The following ADAM11 variants were observed in gnomAD, a reference collection of about 807,000 sequenced individuals.
ADAM11 encodes the protein disintegrin and metalloproteinase domain-containing protein 11.
Under a neutral mutation model 119.1 loss-of-function variants are expected in ADAM11, and 49 were observed. The observed-to-expected ratio is 0.41, with a 90% CI of 0.33 to 0.52. The LOEUF is 0.52. ADAM11 is among the 20% of genes least tolerant of loss of function. The pLI, the probability that ADAM11 is intolerant of heterozygous loss-of-function variation, is 0.20. For missense variants in ADAM11, 777 were observed against 1,047.5 expected (o/e 0.74, Z 3.56); for synonymous variants, 364 against 408.0 (o/e 0.89, Z 1.30).
Position 44,773,364 on chromosome 17 carries a change from C to A in ADAM11, c.929C>A (p.Ala310Asp). 1 of 1,614,026 alleles carries A rather than the reference C, an allele frequency of 6.2e-7. No individual in the cohort carries two copies. The highest frequency in any genetic ancestry group is 8.5e-7 in the Non-Finnish European group (1 of 1,180,012). The part of the protein sequence containing the change: ...QVQDDLLETL[A>D]RLMVYRREGL... Reference sequence around the variant, plus strand: ...CAGGATGACCTCCTGGAGACCCTGGCCCGGCTCATGGTCTACCGACGGGAG... The same window carrying A: ...CAGGATGACCTCCTGGAGACCCTGGACCGGCTCATGGTCTACCGACGGGAG... The change falls in exon 11 of 27, where the codon GCC becomes GAC. Residue 310 changes from alanine to aspartate, a missense_variant. By Grantham distance (126) the Ala-to-Asp change is moderately radical. Around this residue, in one of 4 missense-constraint regions of ADAM11, gnomAD observed 147 missense variants for 223.3 expected, o/e 0.66. Transcript: ENST00000200557. This position sits in a 1 kb window ranked among gnomAD's most constrained non-coding sequence, Gnocchi z 4.6.
intron 2 of ADAM11, among the ~76,000 whole-genome samples, chr17:44,765,870 A>C (rs1173779903): frequency 6.6e-6 from 1 of 151,926 alleles, no homozygotes. Context: ...CAATCCGCCC[A>C]CCTTGGCCTC....
intron 2 of ADAM11, among the ~76,000 whole-genome samples, chr17:44,768,199 G>A (rs1008600849): frequency 1.4e-4 from 21 of 152,186 alleles, no homozygotes; most frequent in Admixed American, 6.5e-5. Flanking sequence ...AGGGGCAGGG[G>A]AAGGCCAGGA....
intron 2 of ADAM11, among the ~76,000 whole-genome samples, chr17:44,764,744 A>G (rs1412601716): frequency 6.6e-6 from 1 of 152,094 alleles, no homozygotes. Context: ...GGGGATGCTC[A>G]TAGTCTCCAC....
chr17:44,776,898 G>A lies in ADAM11; in HGVS notation c.1618-1G>A. The stretch of plus-strand genomic sequence containing the variant: ...TTGCCTCTTAATTCTTGGACTCTCA[G>A]GGCCGCTGCTACGGAGGTCGCTGCA... On this transcript the variant is annotated splice_acceptor_variant, in intron 19 of 26. Coordinates refer to ENST00000200557, the MANE Select transcript of ADAM11 (RefSeq NM_002390.6). LOFTEE classifies it high-confidence loss of function. The surrounding 1 kb of genome is among the most constrained non-coding windows in gnomAD (Gnocchi z 5.2). 6.2e-7 allele frequency: 1 copy of A among 1,613,660 alleles called. No individual in the cohort carries two copies. The highest frequency in any genetic ancestry group is 8.5e-7 in the Non-Finnish European group (1 of 1,179,592).
chr17:44,761,195 T>C (rs1250430884), intron 2 of ADAM11, among the ~76,000 whole-genome samples: 2 of 151,972 alleles, frequency 1.3e-5, no homozygotes, highest in African/African-American at 2.4e-5. Context: ...GTGGGGGAAC[T>C]GATGGTCTGC....
Position 44,779,246 on chromosome 17 carries a change from C to T in ADAM11, c.2294+7C>T, listed in dbSNP as rs1598896488. ...GAAACATTCGCCGAGGAAGGTACGACCCGACCCAGCAGGGGGCAGTGTGAT... is the reference window on the plus strand; with the variant it reads ...GAAACATTCGCCGAGGAAGGTACGATCCGACCCAGCAGGGGGCAGTGTGAT... On this transcript the variant is annotated splice_region_variant and intron_variant, in intron 26 of 26. Coordinates refer to ENST00000200557, the MANE Select transcript of ADAM11 (RefSeq NM_002390.6). 3 of 1,581,530 alleles carry T rather than the reference C, an allele frequency of 1.9e-6. No homozygotes were observed. Among genetic ancestry groups the T allele is most frequent in the Non-Finnish European group, 2.6e-6 (3 of 1,167,550 alleles).
chr17:44,759,779 G>C lies in ADAM11; in HGVS notation c.119G>C (p.Gly40Ala). The part of the protein sequence containing the change: ...ALRWGGLPQL[G>A]GPGAPEVTEP... Reference sequence around the variant, plus strand: ...CGATGGGGGGGCTTACCCCAGCTGGGAGGCCCAGGAGCCCCTGAGGTCACG... The same window carrying C: ...CGATGGGGGGGCTTACCCCAGCTGGCAGGCCCAGGAGCCCCTGAGGTCACG... Residue 40 changes from glycine (G) to alanine (A), a missense_variant, in exon 2 of 27, where the codon GGA (glycine) becomes GCA (alanine). Gly to Ala is a moderately conservative substitution (Grantham distance 60, BLOSUM62 0). Coordinates refer to ENST00000200557, the MANE Select transcript of ADAM11 (RefSeq NM_002390.6). 2.3e-6 allele frequency: 3 copies of C among 1,324,798 alleles called. No individual in the cohort carries two copies. Among genetic ancestry groups the C allele is most frequent in the Non-Finnish European group, 2.9e-6 (3 of 1,029,720 alleles). The allele number at this position is 1,324,798 out of a possible 1,614,324, so 82.1% of individuals were successfully genotyped here. A position where few individuals can be genotyped will look rare whatever the true frequency, so the allele number is the denominator to read the frequency against.
In ADAM11 at chr17:44,775,367, G is replaced by A; in HGVS notation, c.1321-27G>A. 1.2e-6 allele frequency: 2 copies of A among 1,612,988 alleles called. No individual in the cohort carries two copies. The highest frequency in any genetic ancestry group is 1.7e-6 in the Non-Finnish European group (2 of 1,179,750). On this transcript the variant is annotated intron_variant, in intron 15 of 26. Transcript: ENST00000200557. The surrounding 1 kb of genome is among the most constrained non-coding windows in gnomAD (Gnocchi z 7.5). ...CGGGCCCTGGGCGGGGTCCGGGCCA[G>A]ACTCCCGACCTGTCCTCCCGGTCCA...
Position 44,773,158 on chromosome 17 carries a change from G to A in ADAM11, c.825+73G>A. 3 of 1,583,352 alleles carry A rather than the reference G, an allele frequency of 1.9e-6. No individual in the cohort carries two copies. Among genetic ancestry groups the A allele is most frequent in the Non-Finnish European group, 1.7e-6 (2 of 1,155,892 alleles). Reference sequence around the variant, plus strand: ...CCCACCACACACATTAGGGGGCACTGTCAGCCCCTGGCTCCCACTTCCTGG... The same window carrying A: ...CCCACCACACACATTAGGGGGCACTATCAGCCCCTGGCTCCCACTTCCTGG... On this transcript the variant is annotated intron_variant, in intron 10 of 26. Coordinates refer to ENST00000200557, the MANE Select transcript of ADAM11 (RefSeq NM_002390.6). The surrounding 1 kb of genome is among the most constrained non-coding windows in gnomAD (Gnocchi z 4.6).
intron 2 of ADAM11, among the ~76,000 whole-genome samples, chr17:44,768,387 G>C (rs1444730642): frequency 6.6e-6 from 1 of 152,156 alleles, no homozygotes; most frequent in East Asian, 1.9e-4. Context: ...CTGGCCGTTG[G>C]TGCCCCCCTT....
chr17:44,766,785 A>T (rs1358485439), intron 2 of ADAM11, among the ~76,000 whole-genome samples: 1 of 152,152 alleles, frequency 6.6e-6, no homozygotes, highest in African/African-American at 2.4e-5. Flanking sequence ...GGGTCAGCTG[A>T]GGGCTGGCAT....
At position 44,779,888 on chromosome 17, in the gene ADAM11, A is replaced by T; in HGVS notation, c.*134A>T. The T allele has an allele frequency of 7.5e-7, 1 of 1,329,276 alleles. No homozygotes were observed. The highest frequency in any genetic ancestry group is 1.1e-6 in the Non-Finnish European group (1 of 948,266). The allele number at this position is 1,329,276 out of a possible 1,614,324, so 82.3% of individuals were successfully genotyped here. On this transcript the variant is annotated 3_prime_UTR_variant, in exon 27 of 27. Transcript: ENST00000200557. ...CAAACCCTTCAACTCCTGGCTCCGC[A>T]GGGGTTTGGGTGGGGGCTGTGGCCC...
rs372731262 is a variant in ADAM11 at position 44,772,445 on chromosome 17, G to A, written c.657G>A (p.Pro219=). 173 of 1,575,178 alleles carry A rather than the reference G, an allele frequency of 1.1e-4. 1 individual carries two copies. In the Middle Eastern group the frequency reaches 3.8e-3, roughly 35 times the overall value. ...VPAQSAPPNR[P]RLRRKRQVRR... is the part of the protein sequence containing the mutation. ...CCCAGTCGGCTCCTCCAAACCGGCC[G>A]AGGCTGAGAAGGAAAAGGCAGGTAC... is the stretch of plus-strand genomic sequence containing the variant. The change falls in exon 8 of 27, where the codon CCG becomes CCA. Residue 219 remains proline, a synonymous_variant. Coordinates refer to ENST00000200557, the MANE Select transcript of ADAM11 (RefSeq NM_002390.6). This position sits in a 1 kb window ranked among gnomAD's most constrained non-coding sequence, Gnocchi z 4.5.
rs562721351 is a variant in ADAM11 at position 44,779,984 on chromosome 17, C to T, written c.*230C>T. Reference sequence around the variant, plus strand: ...TCCACAGTCCCCCACCCACCTCCTGCGGCTCAGCCTTGCACACCCACTGCC... The same window carrying T: ...TCCACAGTCCCCCACCCACCTCCTGTGGCTCAGCCTTGCACACCCACTGCC... On this transcript the variant is annotated 3_prime_UTR_variant, in exon 27 of 27. Transcript: ENST00000200557. 11 of 716,642 alleles carry T rather than the reference C, an allele frequency of 1.5e-5. No individual in the cohort carries two copies. The highest frequency in any genetic ancestry group is 3.0e-5 in the South Asian group (2 of 67,110). 44.4% of individuals were successfully genotyped at this position (716,642 alleles called of 1,614,324 possible).
At chr17:44,774,901 C>A in intron 14 of ADAM11, 152 bp downstream of exon 14, 1 of 1,051,856 alleles carries the variant, frequency 9.5e-7, no homozygotes, top group Non-Finnish European at 1.4e-6. Context: ...AAACACTGCC[C>A]CGGGAGACCC....
chr17:44,774,005 C>T (rs1249479605), intron 11 of ADAM11, among the ~76,000 whole-genome samples: 2 of 152,076 alleles, frequency 1.3e-5, no homozygotes, highest in Non-Finnish European at 2.9e-5. Context: ...GCAGGAGAAT[C>T]GTTTGAACCC....
Position 44,777,993 on chromosome 17 carries a change from G to A in ADAM11, c.2112G>A (p.Trp704Ter). ...NEGKCICQPD[W>*]TGKDCSIHNP... ...GGAAGTGCATCTGTCAGCCAGACTG[G>A]ACAGGCAAAGACTGCAGTATCCATA... Residue 704 changes from tryptophan (W) to a stop codon, truncating the protein, a stop_gained, in exon 24 of 27, where the codon TGG becomes TGA. Coordinates refer to ENST00000200557, the MANE Select transcript of ADAM11 (RefSeq NM_002390.6). LOFTEE classifies it high-confidence loss of function. This position sits in a 1 kb window ranked among gnomAD's most constrained non-coding sequence, Gnocchi z 5.1. 6.2e-7 allele frequency: 1 copy of A among 1,614,024 alleles called. No homozygotes were observed. The highest frequency in any genetic ancestry group is 8.5e-7 in the Non-Finnish European group (1 of 1,179,984).
At chr17:44,779,168 C>T (rs1801900673) in intron 25 of ADAM11, 54 bp from the exon 26 acceptor site, 2 of 1,566,564 alleles carry the variant, frequency 1.3e-6, no homozygotes, top group Non-Finnish European at 1.7e-6. Flanking sequence ...CTGAGAGAAG[C>T]AAAAGGTCAG....
At chr17:44,761,517 G>A (rs1236100932) in intron 2 of ADAM11, among the ~76,000 whole-genome samples, 1 of 152,072 alleles carries the variant, frequency 6.6e-6, no homozygotes, top group Non-Finnish European at 1.5e-5. Flanking sequence ...GTGCATGTGA[G>A]GTGTGTATGT....
Sources: allele counts gnomAD v4.1 joint callset (sites outside exome capture counted in the v4.1 genomes callset), GRCh38; gene constraint gnomAD v4.1.1; regional missense constraint gnomAD v4.1.1; non-coding constraint Gnocchi (gnomAD v3.1); transcripts MANE v1.5; gene names NCBI Gene and HGNC (gene_info 2026-07-23, HGNC 2026-07-21).